Variants in KCNIP1 observed in about 807,000 individuals in gnomAD.
The protein encoded by KCNIP1 is potassium voltage-gated channel interacting protein 1, also known as A-type potassium channel modulatory protein KCNIP1.
In KCNIP1, 18 loss-of-function variants were observed where a neutral mutation model predicts 33.0. The ratio of observed to expected loss-of-function variants is 0.55; its 90% CI spans 0.38 to 0.81. The LOEUF (loss-of-function observed/expected upper bound fraction) is 0.81, where lower values mean the gene tolerates loss of function less well. Among genes scored for constraint, KCNIP1 ranks in the 30% least tolerant of loss-of-function variants. The pLI is 0.00. For missense variants in KCNIP1, 238 were observed against 271.6 expected (o/e 0.88, Z 0.87); for synonymous variants, 93 against 98.3 (o/e 0.95, Z 0.32).
At chr5:170,674,159 G>GGAAA (rs1762032245) in intron 1 of KCNIP1, among the ~76,000 whole-genome samples, 3 of 84,168 alleles carry the variant, frequency 3.6e-5, no homozygotes, top group Non-Finnish European at 6.9e-5. Flanking sequence ...AAGGAAGGAA[G>GGAAA]GAAGGAAGGA....
At chr5:170,511,728 G>A (rs1315342614) in intron 1 of KCNIP1, among the ~76,000 whole-genome samples, 1 of 152,150 alleles carries the variant, frequency 6.6e-6, no homozygotes, top group African/African-American at 2.4e-5. Context: ...TTGCAGTTGA[G>A]GAACCTGAGG....
At chr5:170,603,585 A>G (rs1376496720) in intron 1 of KCNIP1, among the ~76,000 whole-genome samples, 3 of 152,066 alleles carry the variant, frequency 2.0e-5, no homozygotes, top group Non-Finnish European at 2.9e-5. Flanking sequence ...GGGTCTGAGC[A>G]GGACCCTTGG....
intron 1 of KCNIP1, among the ~76,000 whole-genome samples, chr5:170,362,632 A>G (rs1244015619): frequency 3.9e-5 from 6 of 152,156 alleles, no homozygotes; most frequent in African/African-American, 1.2e-4. Context: ...TTCCTGTTGT[A>G]TTTCTAGTCT....
chr5:170,601,197 C>T (rs75751433), intron 1 of KCNIP1, among the ~76,000 whole-genome samples: 135 of 152,382 alleles, frequency 8.9e-4, no homozygotes, highest in African/African-American at 2.8e-3. Context: ...CTTTTAAATA[C>T]ACCAGCTCCT....
chr5:170,718,835 A>G lies in KCNIP1; in HGVS notation c.139A>G (p.Asn47Asp). The G allele has an allele frequency of 6.2e-7, 1 of 1,610,162 alleles. No individual in the cohort carries two copies. Among genetic ancestry groups the G allele is most frequent in the Non-Finnish European group, 8.5e-7 (1 of 1,178,746 alleles). The change falls in exon 2 of 8, where the codon AAC becomes GAC. Residue 47 changes from asparagine to aspartate, a missense_variant. Asn to Asp is a conservative substitution (Grantham distance 23, BLOSUM62 1). Coordinates refer to ENST00000328939, the MANE Select transcript of KCNIP1 (RefSeq NM_014592.4). ...EGLEQLEAQT[N>D]FTKRELQVLY... ...ACTGGAGCAGCTCGAGGCCCAGACCAACTTCACCAAGAGGGAGCTGCAGGT... is the reference window on the plus strand; with the variant it reads ...ACTGGAGCAGCTCGAGGCCCAGACCGACTTCACCAAGAGGGAGCTGCAGGT...
chr5:170,678,325 G>A (rs138813926), intron 1 of KCNIP1: 29 of 152,302 alleles, frequency 1.9e-4, no homozygotes, highest in Admixed American at 7.8e-4. Flanking sequence ...TCCTTCTGAC[G>A]TTATTGGGGA....
At chr5:170,687,163 A>G (rs1481689962) in intron 1 of KCNIP1, among the ~76,000 whole-genome samples, 1 of 151,386 alleles carries the variant, frequency 6.6e-6, no homozygotes, top group Non-Finnish European at 1.5e-5. Context: ...TTTTGATTTT[A>G]TGTGTAAAAA....
intron 1 of KCNIP1, among the ~76,000 whole-genome samples, chr5:170,459,977 A>C (rs779556185): frequency 1.3e-5 from 2 of 152,206 alleles, no homozygotes; most frequent in Non-Finnish European, 2.9e-5. Flanking sequence ...GAAAATCCAA[A>C]TAAGCTCAAT....
chr5:170,709,287 T>C (rs928082498), intron 1 of KCNIP1, among the ~76,000 whole-genome samples: 1 of 152,230 alleles, frequency 6.6e-6, no homozygotes, highest in Middle Eastern at 3.2e-3. Context: ...ATTTTTCCTT[T>C]TAATTCTATC....
intron 1 of KCNIP1, among the ~76,000 whole-genome samples, chr5:170,712,330 A>T (rs1487125782): frequency 6.6e-6 from 1 of 152,254 alleles, no homozygotes; most frequent in African/African-American, 2.4e-5. Context: ...TGTAAGCTCC[A>T]AGAGAACAGA....
chr5:170,476,383 G>A lies in KCNIP1; in HGVS notation c.88+122419G>A, dbSNP rs117318000. 1.5e-4 allele frequency among the ~76,000 whole-genome samples: 23 copies of A among 152,118 alleles called. No individual in the cohort carries two copies. In the East Asian group the frequency reaches 3.3e-3, roughly 22 times the overall value. ...TTGAACTGTCCTCTCAATTCCAGCC[G>A]GAACAAACAGATTCTGTTTTCTCTA... On this transcript the variant is annotated intron_variant, in intron 1 of 7. Coordinates refer to the KCNIP1 transcript ENST00000377360.
intron 1 of KCNIP1, among the ~76,000 whole-genome samples, chr5:170,550,438 A>G (rs1464014651): frequency 1.3e-5 from 2 of 152,200 alleles, no homozygotes; most frequent in African/African-American, 4.8e-5. Context: ...GATGATTATG[A>G]TGGTGATGAT....
chr5:170,551,688 G>C lies in KCNIP1; in HGVS notation c.61+47055G>C, dbSNP rs138201096. The stretch of plus-strand genomic sequence containing the variant: ...TGAGTGGTTGTGAGAGTGTGGATGA[G>C]AGTGTGTATGTGTGGCGTGTGACTG... On this transcript the variant is annotated intron_variant, in intron 1 of 7. Transcript: ENST00000328939. Among the ~76,000 whole-genome samples the C allele has an allele frequency of 4.6e-5, 7 of 151,926 alleles. No individual in the cohort carries two copies. In the East Asian group the frequency reaches 9.7e-4, roughly 21 times the overall value.
intron 1 of KCNIP1, among the ~76,000 whole-genome samples, chr5:170,546,478 T>G (rs1453787170): frequency 6.6e-6 from 1 of 152,192 alleles, no homozygotes; most frequent in Non-Finnish European, 1.5e-5. Flanking sequence ...CCTGCACAAC[T>G]GCCAAAAGTG....
chr5:170,554,200 C>G (rs1581317618), intron 1 of KCNIP1, among the ~76,000 whole-genome samples: 3 of 151,860 alleles, frequency 2.0e-5, no homozygotes, highest in Admixed American at 2.0e-4. Context: ...GGGTGAAATC[C>G]AGCCCAGGGG....
intron 1 of KCNIP1, among the ~76,000 whole-genome samples, chr5:170,507,443 G>T (rs1754761926): frequency 6.6e-6 from 1 of 152,170 alleles, no homozygotes; most frequent in South Asian, 2.1e-4. Context: ...ATTGTTTGGG[G>T]CTTCCAAATG....
intron 1 of KCNIP1, chr5:170,669,763 C>A: frequency 3.7e-6 from 2 of 542,046 alleles, no homozygotes; most frequent in Non-Finnish European, 4.7e-6. Context: ...ACAAAGAGCA[C>A]ACATTTTGAG....
chr5:170,561,632 A>G lies in KCNIP1; in HGVS notation c.61+56999A>G, dbSNP rs996480955. Among the ~76,000 whole-genome samples, 56 of 152,226 alleles carry G rather than the reference A, an allele frequency of 3.7e-4. 1 individual carries two copies. The highest frequency in any genetic ancestry group is 1.5e-5 in the Non-Finnish European group (1 of 68,034). On this transcript the variant is annotated intron_variant, in intron 1 of 7. Coordinates refer to ENST00000328939, the MANE Select transcript of KCNIP1 (RefSeq NM_014592.4). ...GTGGTTGATCACCCTCCATTAGACC[A>G]AGGGCTTCTTGAGACCAGGTTCCCA...
intron 1 of KCNIP1, among the ~76,000 whole-genome samples, chr5:170,397,993 T>C (rs1452741149): frequency 1.3e-5 from 2 of 152,206 alleles, no homozygotes; most frequent in Admixed American, 1.3e-4. Flanking sequence ...TAAGAGGTTG[T>C]GGAGACTGAA....
Sources: gnomAD v4.1 joint callset for allele counts (sites outside exome capture counted in the v4.1 genomes callset) on GRCh38, gnomAD v4.1.1 for gene constraint, MANE v1.5 for transcripts, NCBI Gene and HGNC (gene_info 2026-07-23, HGNC 2026-07-21) for gene names.